Variants in DCDC1 observed in about 807,000 individuals in gnomAD.
The protein encoded by DCDC1 is doublecortin domain-containing protein 1.
A neutral mutation model predicts 178.3 loss-of-function variants in DCDC1; 200 were observed. That is an observed-to-expected ratio of 1.12 (90% CI 1.00 to 1.26). The LOEUF (loss-of-function observed/expected upper bound fraction) is 1.26. DCDC1 is among the 50% of genes most tolerant of loss of function. DCDC1 has a pLI of 0.00. For missense variants in DCDC1, 1,983 were observed against 1,749.2 expected (o/e 1.13, Z -2.38); for synonymous variants, 690 against 604.8 (o/e 1.14, Z -2.07).
At chr11:31,146,458 T>C (rs1056580343) in intron 9 of DCDC1, among the ~76,000 whole-genome samples, 2 of 152,186 alleles carry the variant, frequency 1.3e-5, no homozygotes, top group African/African-American at 4.8e-5. Flanking sequence ...TTGGTTTACT[T>C]AAGGTGCAAC....
At chr11:30,910,804 CT>C (rs1945391779) in intron 28 of DCDC1, among the ~76,000 whole-genome samples, 1 of 152,134 alleles carries the variant, frequency 6.6e-6, no homozygotes, top group Non-Finnish European at 1.5e-5. Context: ...AATTGTCTGG[CT>C]GCTTTAAGCA....
chr11:31,274,804 G>A (rs756701174), intron 7 of DCDC1, among the ~76,000 whole-genome samples: 62 of 151,270 alleles, frequency 4.1e-4, no homozygotes, highest in East Asian at 7.9e-4. Flanking sequence ...AGGTTCAAGT[G>A]ATTCTCCTGC....
At chr11:31,277,689 G>A (rs1302864897) in intron 7 of DCDC1, among the ~76,000 whole-genome samples, 1 of 152,004 alleles carries the variant, frequency 6.6e-6, no homozygotes, top group Non-Finnish European at 1.5e-5. Context: ...ATCTTTTCAT[G>A]TGCTAATGGT....
intron 7 of DCDC1, among the ~76,000 whole-genome samples, chr11:31,276,545 T>C (rs1946004338): frequency 6.6e-6 from 1 of 152,102 alleles, no homozygotes; most frequent in African/African-American, 2.4e-5. Context: ...TGTAATAAAA[T>C]GCCATGCATA....
At chr11:31,360,961 A>T (rs186703845) in intron 1 of DCDC1, among the ~76,000 whole-genome samples, 4 of 152,318 alleles carry the variant, frequency 2.6e-5, no homozygotes, top group Admixed American at 2.6e-4. Flanking sequence ...AATCTTAGCC[A>T]GTACCAAGAT....
At chr11:31,170,556 A>T (rs1967077492) in intron 9 of DCDC1, among the ~76,000 whole-genome samples, 1 of 152,212 alleles carries the variant, frequency 6.6e-6, no homozygotes. Context: ...TTAAAAGAAT[A>T]TTGATATTCC....
intron 18 of DCDC1, among the ~76,000 whole-genome samples, chr11:31,067,041 T>G (rs1956286960): frequency 6.6e-6 from 1 of 152,134 alleles, no homozygotes. Context: ...AAGTCTATTA[T>G]TTTAAGGTAA....
At chr11:31,043,452 A>C (rs1355027855) in intron 20 of DCDC1, among the ~76,000 whole-genome samples, 1 of 152,202 alleles carries the variant, frequency 6.6e-6, no homozygotes, top group East Asian at 1.9e-4. Context: ...CAGTTGAAAA[A>C]TGTTGGAAAA....
intron 17 of DCDC1, among the ~76,000 whole-genome samples, chr11:31,090,410 T>TG (rs1278830998): frequency 6.6e-6 from 1 of 152,176 alleles, no homozygotes; most frequent in Non-Finnish European, 1.5e-5. Flanking sequence ...TTAGTAGGTA[T>TG]GGCCTTGAGC....
intron 9 of DCDC1, among the ~76,000 whole-genome samples, chr11:31,213,581 G>T (rs145129013): frequency 9.2e-5 from 14 of 151,876 alleles, no homozygotes; most frequent in Admixed American, 5.2e-4. Flanking sequence ...TTAGCCAGGC[G>T]TGGTGGCGGG....
intron 3 of DCDC1, among the ~76,000 whole-genome samples, chr11:31,323,239 T>C (rs931877502): frequency 6.6e-6 from 1 of 152,212 alleles, no homozygotes; most frequent in Non-Finnish European, 1.5e-5. Flanking sequence ...TGACAGACCC[T>C]GGCTCAAAAA....
At chr11:31,149,382 T>C (rs1964870976) in intron 9 of DCDC1, among the ~76,000 whole-genome samples, 1 of 151,978 alleles carries the variant, frequency 6.6e-6, no homozygotes, top group Non-Finnish European at 1.5e-5. Flanking sequence ...CAGCACTCTA[T>C]AAAATGGATC....
chr11:31,130,470 T>C (rs960527918), intron 10 of DCDC1, among the ~76,000 whole-genome samples: 1 of 151,886 alleles, frequency 6.6e-6, no homozygotes, highest in Admixed American at 6.6e-5. Context: ...AACAGTAATG[T>C]CCCAATAGAA....
At chr11:30,963,036 G>T (rs1446168582) in intron 20 of DCDC1, among the ~76,000 whole-genome samples, 3 of 152,056 alleles carry the variant, frequency 2.0e-5, no homozygotes, top group Non-Finnish European at 4.4e-5. Flanking sequence ...GGGCTTGATA[G>T]GTAGGTTAGC....
chr11:31,104,623 G>A (rs1958732454), intron 13 of DCDC1, among the ~76,000 whole-genome samples: 1 of 152,118 alleles, frequency 6.6e-6, no homozygotes, highest in South Asian at 2.1e-4. Flanking sequence ...ATTTTGGTTA[G>A]CTTGAATATA....
intron 20 of DCDC1, among the ~76,000 whole-genome samples, chr11:30,973,180 G>A (rs1949908003): frequency 1.3e-5 from 2 of 150,712 alleles, no homozygotes; most frequent in Admixed American, 1.3e-4. Flanking sequence ...GCTGAGGCAG[G>A]AGAATCACTT....
chr11:30,958,343 G>T, intron 20 of DCDC1, among the ~76,000 whole-genome samples: 1 of 152,076 alleles, frequency 6.6e-6, no homozygotes, highest in East Asian at 1.9e-4. Context: ...CAACCAAGTG[G>T]ACAGGATGCC....
At chr11:31,048,650 G>C (rs192091970) in intron 20 of DCDC1, among the ~76,000 whole-genome samples, 1 of 152,094 alleles carries the variant, frequency 6.6e-6, no homozygotes, top group Non-Finnish European at 1.5e-5. Flanking sequence ...TCAGGAGATC[G>C]AGACCATCCT....
chr11:31,364,530 A>G (rs998318540), intron 1 of DCDC1, among the ~76,000 whole-genome samples: 1 of 152,240 alleles, frequency 6.6e-6, no homozygotes, highest in Non-Finnish European at 1.5e-5. Context: ...ATAAAGACCT[A>G]TAAGAGGTCT....
Sources: allele counts gnomAD v4.1 joint callset (sites outside exome capture counted in the v4.1 genomes callset), GRCh38; gene constraint gnomAD v4.1.1; transcripts MANE v1.5; gene names NCBI Gene and HGNC (gene_info 2026-07-23, HGNC 2026-07-21).